The following MAGI2 variants were observed in gnomAD, a reference collection of about 807,000 sequenced individuals.
MAGI2 encodes membrane associated guanylate kinase, WW and PDZ domain containing 2.
Under a neutral mutation model 133.3 loss-of-function variants are expected in MAGI2, and 35 were observed. That is an observed-to-expected ratio of 0.26 (90% CI 0.20 to 0.35). MAGI2 has a LOEUF of 0.35. Ranked by LOEUF, MAGI2 falls within the 10% of genes least tolerant of loss-of-function variation. The probability of loss-of-function intolerance (pLI) is 1.00; values close to 1 mark genes in which losing one functional copy is unlikely to be tolerated. For missense variants in MAGI2, 1,636 were observed against 1,863.4 expected (o/e 0.88, Z 2.25); for synonymous variants, 729 against 710.6 (o/e 1.03, Z -0.41).
chr7:79,115,183 C>T (rs1040276201), intron 1 of MAGI2, among the ~76,000 whole-genome samples: 28 of 152,204 alleles, frequency 1.8e-4, no homozygotes, highest in African/African-American at 6.3e-4. Flanking sequence ...GGCCAGAAAA[C>T]CTGTCTACCT....
intron 1 of MAGI2, among the ~76,000 whole-genome samples, chr7:79,012,750 G>A (rs991760841): frequency 7.9e-5 from 12 of 151,764 alleles, no homozygotes; most frequent in African/African-American, 2.4e-4. Flanking sequence ...AAAGGAAGGT[G>A]GCTTAGTTAC....
intron 3 of MAGI2, among the ~76,000 whole-genome samples, chr7:78,539,102 A>G (rs1798201658): frequency 1.3e-5 from 2 of 152,204 alleles, no homozygotes; most frequent in African/African-American, 4.8e-5. Context: ...TCCAGTTCTC[A>G]GGGGGAATGC....
intron 1 of MAGI2, among the ~76,000 whole-genome samples, chr7:79,406,711 C>G (rs749172836): frequency 3.3e-5 from 5 of 152,044 alleles, no homozygotes; most frequent in Admixed American, 6.6e-5. Context: ...TCTTTATCTT[C>G]CCTTGTTCAA....
At chr7:78,633,013 A>T (rs544708020) in intron 2 of MAGI2, among the ~76,000 whole-genome samples, 6 of 152,362 alleles carry the variant, frequency 3.9e-5, no homozygotes, top group African/African-American at 1.4e-4. Flanking sequence ...TCAGTGACAG[A>T]CTGGATAAAG....
rs753511100 is a variant in MAGI2 at position 79,165,515 on chromosome 7, A to T, written c.302-158309T>A. Among the ~76,000 whole-genome samples, 91 of 152,086 alleles carry T rather than the reference A, an allele frequency of 6.0e-4. 2 individuals are homozygous for T. Among genetic ancestry groups the T allele is most frequent in the Non-Finnish European group, 1.8e-4 (12 of 67,992 alleles). Reference sequence around the variant, plus strand: ...TACAAAAAAGTCTAAAGGAGCAAAGATATTTAGGACTACAAACACATACAT... The same window carrying T: ...TACAAAAAAGTCTAAAGGAGCAAAGTTATTTAGGACTACAAACACATACAT... On this transcript the variant is annotated intron_variant, in intron 1 of 21. Transcript: ENST00000354212.
intron 2 of MAGI2, among the ~76,000 whole-genome samples, chr7:78,711,310 T>G (rs323134): frequency 0.7 from 106,097 of 151,954 alleles, 37,346 homozygotes; most frequent in East Asian, 0.84. Context: ...GTATATATAA[T>G]AGTAATAATA....
chr7:78,999,773 T>A (rs1806671718), intron 2 of MAGI2, among the ~76,000 whole-genome samples: 1 of 152,198 alleles, frequency 6.6e-6, no homozygotes, highest in African/African-American at 2.4e-5. Context: ...GAAATTAAGT[T>A]TCGTTTGTTT....
At chr7:78,167,602 G>T (rs2072156) in intron 15 of MAGI2, among the ~76,000 whole-genome samples, 17,116 of 152,098 alleles carry the variant, frequency 0.11, 982 homozygotes, top group East Asian at 0.19. Context: ...TATTTTCCAT[G>T]ACTATCATGT....
rs142859692 is a variant in MAGI2 at position 79,258,647 on chromosome 7, T to C, written c.301+194373A>G. On this transcript the variant is annotated intron_variant, in intron 1 of 21. Transcript: ENST00000354212. ...TTATTATTTATTTTTAGAGATGGTGTTATGTTTTGTTGCCCAGGGTGGAGC... is the reference window on the plus strand; with the variant it reads ...TTATTATTTATTTTTAGAGATGGTGCTATGTTTTGTTGCCCAGGGTGGAGC... Among the ~76,000 whole-genome samples, 509 of 152,310 alleles carry C rather than the reference T, an allele frequency of 3.3e-3. 1 individual carries two copies. The highest frequency in any genetic ancestry group is 0.012 in the African/African-American group (490 of 41,564).
rs1272826372 is a variant in MAGI2 at position 78,070,226 on chromosome 7, C to G, written c.3706+8721G>C. Among the ~76,000 whole-genome samples the G allele has an allele frequency of 2.3e-5, 3 of 127,868 alleles. No homozygotes were observed. In the Admixed American group the frequency reaches 2.4e-4, roughly 10 times the overall value. The allele number at this position is 127,868 out of a possible 152,430, so 83.9% of individuals were successfully genotyped here. On this transcript the variant is annotated intron_variant, in intron 21 of 21. Coordinates refer to ENST00000354212, the MANE Select transcript of MAGI2 (RefSeq NM_012301.4). ...ATATATATATATATATATACACACA[C>G]ACACACAGACATTCTGTCCCCTTCC...
chr7:79,244,167 A>C (rs894863221), intron 1 of MAGI2, among the ~76,000 whole-genome samples: 19 of 152,216 alleles, frequency 1.2e-4, no homozygotes, highest in Non-Finnish European at 2.6e-4. Flanking sequence ...AACAAATCTC[A>C]TTATTAAAAC....
intron 14 of MAGI2, among the ~76,000 whole-genome samples, chr7:78,174,693 G>T (rs2150669406): frequency 6.6e-6 from 1 of 152,284 alleles, no homozygotes; most frequent in Non-Finnish European, 1.5e-5. Context: ...GATGACCCAG[G>T]ATGGGGCCAG....
At chr7:79,052,586 G>A (rs917257625) in intron 1 of MAGI2, among the ~76,000 whole-genome samples, 3 of 152,120 alleles carry the variant, frequency 2.0e-5, no homozygotes, top group South Asian at 2.1e-4. Flanking sequence ...ACTTGACCGC[G>A]TCGCTTGCTT....
chr7:79,078,658 T>C (rs1815764076), intron 1 of MAGI2, among the ~76,000 whole-genome samples: 1 of 152,230 alleles, frequency 6.6e-6, no homozygotes, highest in Admixed American at 6.5e-5. Flanking sequence ...GCTATCTAGC[T>C]AGGTCTGTGC....
At chr7:78,592,960 G>A (rs891216945) in intron 3 of MAGI2, among the ~76,000 whole-genome samples, 2 of 149,390 alleles carry the variant, frequency 1.3e-5, no homozygotes, top group African/African-American at 5.0e-5. Context: ...TCAGCCTTGC[G>A]AGTAGCTGGA....
intron 3 of MAGI2, among the ~76,000 whole-genome samples, chr7:78,570,668 T>C (rs1699770735): frequency 6.6e-6 from 1 of 152,138 alleles, no homozygotes; most frequent in African/African-American, 2.4e-5. Flanking sequence ...CTTTGAGAAA[T>C]GCTGGGCAAG....
intron 2 of MAGI2, among the ~76,000 whole-genome samples, chr7:78,792,486 TAA>T (rs1787253824): frequency 6.6e-6 from 1 of 152,190 alleles, no homozygotes; most frequent in Non-Finnish European, 1.5e-5. Flanking sequence ...AGGCTGGAAA[TAA>T]GTGTGAGAAG....
chr7:78,654,418 G>C (rs1017830885), intron 2 of MAGI2, among the ~76,000 whole-genome samples: 1 of 151,962 alleles, frequency 6.6e-6, no homozygotes, highest in South Asian at 2.1e-4. Context: ...GAATGAACCT[G>C]GTCCCACAAG....
chr7:78,470,426 C>A (rs776345168), intron 6 of MAGI2, among the ~76,000 whole-genome samples: 3 of 152,044 alleles, frequency 2.0e-5, no homozygotes, highest in Non-Finnish European at 4.4e-5. Flanking sequence ...TGAAACAATG[C>A]ATTGTTTCTC....
Sources: gnomAD v4.1 joint callset for allele counts (sites outside exome capture counted in the v4.1 genomes callset) on GRCh38, gnomAD v4.1.1 for gene constraint, MANE v1.5 for transcripts, NCBI Gene and HGNC (gene_info 2026-07-23, HGNC 2026-07-21) for gene names.